The following RAB33A variants were observed in gnomAD, a reference collection of about 807,000 sequenced individuals.
RAB33A encodes ras-related protein Rab-33A.
RAB33A carries 6 observed loss-of-function variants against 12.0 expected under a neutral mutation model. The ratio of observed to expected loss-of-function variants is 0.50; its 90% CI spans 0.27 to 0.99. The LOEUF (loss-of-function observed/expected upper bound fraction) is 0.99, where lower values mean the gene tolerates loss of function less well. Ranked by LOEUF, RAB33A falls within the 50% of genes least tolerant of loss-of-function variation. RAB33A has a pLI of 0.11. For missense variants in RAB33A, 109 were observed against 192.0 expected, an observed-to-expected ratio of 0.57 and a Z score of 2.55; for synonymous variants, 70 against 82.4, an observed-to-expected ratio of 0.85 and a Z score of 0.81.
the RAB33A span, among the ~76,000 whole-genome samples, chrX:130,143,500 G>A: frequency 9.0e-6 from 1 of 110,813 alleles, no homozygotes; most frequent in Non-Finnish European, 1.9e-5. Flanking sequence ...GCCTCATCAA[G>A]CATGACTCCT....
the RAB33A span, among the ~76,000 whole-genome samples, chrX:130,164,690 G>A: frequency 8.9e-6 from 1 of 111,834 alleles, no homozygotes; most frequent in African/African-American, 3.3e-5. Context: ...GAAGAGACCC[G>A]AATTCATTCT....
chrX:130,137,242 C>A, the RAB33A span: 2 of 1,208,218 alleles, frequency 1.7e-6, no homozygotes, highest in Non-Finnish European at 2.2e-6. Flanking sequence ...CCTAGGAATA[C>A]AGGAAGAGAA....
At chrX:130,130,337 C>T in the RAB33A span, among the ~76,000 whole-genome samples, 1 of 112,053 alleles carries the variant, frequency 8.9e-6, no homozygotes, top group African/African-American at 3.2e-5. Flanking sequence ...ACCAGCCCCT[C>T]TCCAGTGACA....
At chrX:130,177,129 C>G (rs1198807038) in intron 1 of RAB33A, among the ~76,000 whole-genome samples, 1 of 112,288 alleles carries the variant, frequency 8.9e-6, no homozygotes, top group East Asian at 2.8e-4. Flanking sequence ...GGCCTGCCCC[C>G]GGCCACCCAT....
At chrX:130,165,673 C>G in the RAB33A span, 2 of 1,162,406 alleles carry the variant, frequency 1.7e-6, no homozygotes, top group Non-Finnish European at 2.3e-6. Context: ...GACCGCTATT[C>G]GGGACCTCCT....
chrX:130,114,861 G>A, the RAB33A span, among the ~76,000 whole-genome samples: 15 of 111,984 alleles, frequency 1.3e-4, no homozygotes, highest in East Asian at 3.9e-3. Context: ...GAGTGCAGTG[G>A]TACAATCATA....
chrX:130,126,074 G>A, the RAB33A span, among the ~76,000 whole-genome samples: 1 of 112,446 alleles, frequency 8.9e-6, no homozygotes, highest in East Asian at 2.8e-4. Context: ...CTGCTCTTTG[G>A]GCAAAGCCTG....
upstream of RAB33A, among the ~76,000 whole-genome samples, chrX:130,167,364 T>G (rs745466152): frequency 2.7e-5 from 3 of 112,638 alleles, no homozygotes; most frequent in East Asian, 8.3e-4. Flanking sequence ...CCATGCTGTT[T>G]GTTAAATGAA....
chrX:130,154,832 TGTTA>T, the RAB33A span, among the ~76,000 whole-genome samples: 1 of 112,803 alleles, frequency 8.9e-6, no homozygotes, highest in East Asian at 2.8e-4. Context: ...GAGACTGTCT[TGTTA>T]GATATGCAGC....
chrX:130,112,100 G>A, the RAB33A span, among the ~76,000 whole-genome samples: 2 of 111,993 alleles, frequency 1.8e-5, no homozygotes, highest in Non-Finnish European at 3.8e-5. Context: ...TGGGGGACAG[G>A]AGTGGTGGTG....
the RAB33A span, among the ~76,000 whole-genome samples, chrX:130,139,256 C>T: frequency 9.1e-6 from 1 of 109,623 alleles, no homozygotes; most frequent in African/African-American, 3.3e-5. Flanking sequence ...CGCTTGAACC[C>T]GGGAGGCGGA....
the RAB33A span, among the ~76,000 whole-genome samples, chrX:130,113,060 C>CTTTTTTTTTTTTTCTTTTTT: frequency 1.6e-5 from 1 of 61,122 alleles, no homozygotes; most frequent in Non-Finnish European, 3.2e-5. Context: ...TTTTCTTTTT[C>CTTTTTTTTTTTTTCTTTTTT]TTTTTTTTTT....
At chrX:130,151,766 C>T in the RAB33A span, among the ~76,000 whole-genome samples, 5 of 112,222 alleles carry the variant, frequency 4.5e-5, no homozygotes, top group Admixed American at 3.8e-4. Context: ...TTTAGCCAGG[C>T]GCAGTGGCTG....
chrX:130,119,551 T>A, the RAB33A span, among the ~76,000 whole-genome samples: 1 of 110,506 alleles, frequency 9.0e-6, no homozygotes, highest in African/African-American at 3.3e-5. Flanking sequence ...GCTGATCTGA[T>A]CTTTCTCCTC....
At chrX:130,153,250 G>A in the RAB33A span, among the ~76,000 whole-genome samples, 1 of 105,241 alleles carries the variant, frequency 9.5e-6, no homozygotes, top group Non-Finnish European at 2.0e-5. Context: ...CTCCTCGGGA[G>A]GCTGAGGCAG....
At chrX:130,137,400 C>A in the RAB33A span, 1 of 1,156,732 alleles carries the variant, frequency 8.6e-7, no homozygotes, top group South Asian at 2.0e-5. Context: ...CTGCTGGCCC[C>A]AGATTAAGCT....
chrX:130,162,298 G>A, the RAB33A span, among the ~76,000 whole-genome samples: 1 of 111,821 alleles, frequency 8.9e-6, no homozygotes, highest in Non-Finnish European at 1.9e-5. Context: ...CAAAACAGAA[G>A]GGGAAGAGTC....
chrX:130,116,878 C>T, the RAB33A span, among the ~76,000 whole-genome samples: 2 of 111,924 alleles, frequency 1.8e-5, no homozygotes, highest in African/African-American at 6.5e-5. Context: ...GAAAGCCACT[C>T]GGTCCCTGCA....
At chrX:130,149,063 A>C in the RAB33A span, among the ~76,000 whole-genome samples, 1 of 106,539 alleles carries the variant, frequency 9.4e-6, no homozygotes, top group Non-Finnish European at 1.9e-5. Flanking sequence ...CAGGGATTAC[A>C]GGCGTGCACC....
Sources: allele counts gnomAD v4.1 joint callset (sites outside exome capture counted in the v4.1 genomes callset), GRCh38; gene constraint gnomAD v4.1.1; transcripts MANE v1.5; gene names NCBI Gene and HGNC (gene_info 2026-07-23, HGNC 2026-07-21).